CASP2: variants seen among roughly 807,000 people sequenced by gnomAD.
The protein encoded by CASP2 is caspase-2.
Under a neutral mutation model 54.4 loss-of-function variants are expected in CASP2, and 38 were observed. That is an observed-to-expected ratio of 0.70 (90% CI 0.54 to 0.92). The LOEUF is 0.92. Ranked by LOEUF, CASP2 falls within the 40% of genes least tolerant of loss-of-function variation. CASP2 has a pLI of 0.00. For synonymous variants in CASP2, 215 were observed against 216.3 expected (o/e 0.99, Z 0.05); for missense variants, 512 against 579.6 (o/e 0.88, Z 1.20).
rs1279113034 is a variant in CASP2 at position 143,294,217 on chromosome 7, G to A, written c.476-13G>A. ...TTATATACTAGTTTTTTGGTTTTCT[G>A]TCTATACCACAGATACTGTGGAACA... On this transcript the variant is annotated splice_polypyrimidine_tract_variant and intron_variant, in intron 4 of 10. Transcript: ENST00000310447. The A allele has an allele frequency of 1.3e-6, 2 of 1,535,688 alleles. No homozygotes were observed. The highest frequency in any genetic ancestry group is 1.7e-5 in the Admixed American group (1 of 59,868).
chr7:143,299,139 A>G (rs1228825246), intron 6 of CASP2, among the ~76,000 whole-genome samples: 1 of 151,986 alleles, frequency 6.6e-6, no homozygotes, highest in Non-Finnish European at 1.5e-5. Flanking sequence ...TTTTTTTTTA[A>G]AGATGGAGTC....
At chr7:143,291,740 G>C (rs1362269505) in intron 2 of CASP2, 50 bp downstream of exon 2, 3 of 1,318,304 alleles carry the variant, frequency 2.3e-6, no homozygotes, top group Non-Finnish European at 3.2e-6. Flanking sequence ...GGTGGGAATA[G>C]AGCATGACAA....
chr7:143,302,779 T>C (rs1295139388), intron 8 of CASP2: 1 of 152,194 alleles, frequency 6.6e-6, no homozygotes, highest in African/African-American at 2.4e-5. Flanking sequence ...ACAGCACCCC[T>C]GCCCACACCC....
intron 4 of CASP2, among the ~76,000 whole-genome samples, chr7:143,293,593 T>G (rs1801653931): frequency 6.6e-6 from 1 of 151,096 alleles, no homozygotes; most frequent in Non-Finnish European, 1.5e-5. Context: ...CACTGCAAAC[T>G]CTGCCTCCTG....
chr7:143,303,890 G>T lies in CASP2; in HGVS notation c.1074G>T (p.Leu358=). ...AGKEKLPKMR[L]PTRSDMICGY... ...AAGAAAAGTTGCCGAAGATGAGACT[G>T]CCCACGCGCTCAGACATGATATGCG... Residue 358 remains leucine, a synonymous_variant, in exon 9 of 11, where the codon CTG becomes CTT. Coordinates refer to ENST00000310447, the MANE Select transcript of CASP2 (RefSeq NM_032982.4). The T allele has an allele frequency of 6.2e-7, 1 of 1,611,814 alleles. No homozygotes were observed.
intron 1 of CASP2, among the ~76,000 whole-genome samples, 200 bp downstream of exon 1, chr7:143,288,729 C>T (rs896685232): frequency 2.0e-5 from 3 of 152,214 alleles, no homozygotes; most frequent in African/African-American, 7.2e-5. Context: ...ACCTCTTGGC[C>T]TTGTCTCTCG....
At chr7:143,293,255 G>A in intron 4 of CASP2, 1 of 523,858 alleles carries the variant, frequency 1.9e-6, no homozygotes, top group South Asian at 2.8e-5. Flanking sequence ...AGCCTCCCAA[G>A]TACCTGGGAT....
chr7:143,291,705 AAG>A lies in CASP2; in HGVS notation c.225+21_225+22del, dbSNP rs767852582. The A allele has an allele frequency of 3.7e-6, 6 of 1,611,746 alleles. No individual in the cohort carries two copies. The highest frequency in any genetic ancestry group is 2.2e-5 in the South Asian group (2 of 91,030). On this transcript the variant is annotated intron_variant, in intron 2 of 10. Coordinates refer to ENST00000310447, the MANE Select transcript of CASP2 (RefSeq NM_032982.4). Reference sequence around the variant, plus strand: ...AGCTCATCCAGGTATCTGGAGGCAAAAGAGAGAAGATAAATTGATCATGGGGT... The same window carrying A: ...AGCTCATCCAGGTATCTGGAGGCAAAAGAGAAGATAAATTGATCATGGGGT...
At chr7:143,299,653 A>T (rs1801857367) in intron 6 of CASP2, among the ~76,000 whole-genome samples, 1 of 152,206 alleles carries the variant, frequency 6.6e-6, no homozygotes, top group African/African-American at 2.4e-5. Flanking sequence ...TAGCTTCTTT[A>T]GTAACTTGCT....
Position 143,303,901 on chromosome 7 carries a change from C to T in CASP2, c.1085C>T (p.Ser362Leu). ...CCGAAGATGAGACTGCCCACGCGCT[C>T]AGACATGATATGCGGCTATGCCTGC... is the stretch of plus-strand genomic sequence containing the variant. ...KLPKMRLPTR[S>L]DMICGYACLK... The change falls in exon 9 of 11, where the codon TCA becomes TTA. Residue 362 changes from serine (S) to leucine (L), a missense_variant. Around this residue, in one of 3 missense-constraint regions of CASP2, gnomAD observed 417 missense variants for 495.4 expected, o/e 0.84. Coordinates refer to ENST00000310447, the MANE Select transcript of CASP2 (RefSeq NM_032982.4). 1 of 1,609,620 alleles carries T rather than the reference C, an allele frequency of 6.2e-7. No homozygotes were observed. Among genetic ancestry groups the T allele is most frequent in the Non-Finnish European group, 8.5e-7 (1 of 1,177,818 alleles).
chr7:143,292,661 G>A lies in CASP2; in HGVS notation c.438G>A (p.Glu146=). The A allele has an allele frequency of 6.2e-7, 1 of 1,613,260 alleles. No individual in the cohort carries two copies. The highest frequency in any genetic ancestry group is 1.1e-5 in the South Asian group (1 of 91,038). The change falls in exon 4 of 11, where the codon GAG becomes GAA. Residue 146 remains glutamate (E), a synonymous_variant. Coordinates refer to ENST00000310447, the MANE Select transcript of CASP2 (RefSeq NM_032982.4). Reference sequence around the variant, plus strand: ...TGAGTCTCCCTTTTCCGGTGTGTGAGTCCTGTCCCCTTTACAAGAAGCTCC... The same window carrying A: ...TGAGTCTCCCTTTTCCGGTGTGTGAATCCTGTCCCCTTTACAAGAAGCTCC... ...YDLSLPFPVC[E]SCPLYKKLRL...
intron 1 of CASP2, 97 bp downstream of exon 1, chr7:143,288,626 C>A: frequency 8.7e-7 from 1 of 1,150,108 alleles, no homozygotes; most frequent in Non-Finnish European, 1.3e-6. Flanking sequence ...CCCTCGGAGC[C>A]CCGGAAAGCA....
rs1335338792 is a variant in CASP2, at chr7:143,294,680, T to C, written c.654T>C (p.Phe218=). ...VHFTGEKELE[F]RSGGDVDHST... ...TCACTGGAGAGAAAGAACTGGAATT[T>C]CGCTCTGGAGGGGATGTGGACCACA... The change falls in exon 6 of 11, where the codon TTT becomes TTC. Residue 218 remains phenylalanine, a synonymous_variant. Transcript: ENST00000310447. 6.2e-7 allele frequency: 1 copy of C among 1,614,214 alleles called. No individual in the cohort carries two copies. The highest frequency in any genetic ancestry group is 8.5e-7 in the Non-Finnish European group (1 of 1,180,042).
chr7:143,290,339 G>A, intron 1 of CASP2, among the ~76,000 whole-genome samples: 1 of 152,060 alleles, frequency 6.6e-6, no homozygotes, highest in East Asian at 1.9e-4. Flanking sequence ...AGGGATTACA[G>A]GCATGAGCCA....
At chr7:143,303,372 A>G (rs1413048950) in intron 8 of CASP2, 1 of 161,508 alleles carries the variant, frequency 6.2e-6, no homozygotes, top group African/African-American at 2.4e-5. Context: ...GTAATTAAAT[A>G]TATCAATATT....
At chr7:143,296,158 A>C (rs1034923610) in intron 6 of CASP2, among the ~76,000 whole-genome samples, 40 of 152,220 alleles carry the variant, frequency 2.6e-4, no homozygotes, top group Non-Finnish European at 2.9e-5. Flanking sequence ...AGACTGTCAG[A>C]TTTGGTGAGT....
chr7:143,295,995 T>TA (rs1309326772), intron 6 of CASP2, among the ~76,000 whole-genome samples: 1 of 152,196 alleles, frequency 6.6e-6, no homozygotes, highest in African/African-American at 2.4e-5. Context: ...TGTGTTTTCT[T>TA]AGAGGTTTTG....
intron 8 of CASP2, chr7:143,300,823 A>C: frequency 8.8e-7 from 1 of 1,132,018 alleles, no homozygotes; most frequent in South Asian, 2.0e-5. Flanking sequence ...TTGGCCTTTG[A>C]CTCTTCCTTT....
At chr7:143,290,186 G>A (rs923005680) in intron 1 of CASP2, among the ~76,000 whole-genome samples, 1 of 147,710 alleles carries the variant, frequency 6.8e-6, no homozygotes, top group East Asian at 2.1e-4. Flanking sequence ...TCAGCCTCCC[G>A]AGTAGCTAGG....
Sources: gnomAD v4.1 joint callset for allele counts (sites outside exome capture counted in the v4.1 genomes callset) on GRCh38, gnomAD v4.1.1 for gene constraint, gnomAD v4.1.1 regional missense constraint, MANE v1.5 for transcripts, NCBI Gene and HGNC (gene_info 2026-07-23, HGNC 2026-07-21) for gene names.